COPG2: variants seen among roughly 807,000 people sequenced by gnomAD.
The protein encoded by COPG2 is coat protein complex I subunit gamma 2, also known as coatomer subunit gamma-2.
COPG2 carries 37 observed loss-of-function variants against 46.3 expected under a neutral mutation model. The observed-to-expected ratio is 0.80, with a 90% CI of 0.61 to 1.05. COPG2 has a LOEUF of 1.05. COPG2 is among the 50% of genes least tolerant of loss of function. The pLI is 0.00. For missense variants in COPG2, 427 were observed against 387.8 expected (o/e 1.10, Z -0.85); for synonymous variants, 159 against 129.7 (o/e 1.23, Z -1.53).
chr7:130,591,029 C>T (rs1162573506), intron 9 of COPG2, among the ~76,000 whole-genome samples: 14 of 151,748 alleles, frequency 9.2e-5, no homozygotes, highest in African/African-American at 3.4e-4. Context: ...GCAGCCACCC[C>T]CTCCAGGAGG....
intron 20 of COPG2, among the ~76,000 whole-genome samples, chr7:130,533,030 G>C: frequency 6.6e-6 from 1 of 152,110 alleles, no homozygotes; most frequent in East Asian, 1.9e-4. Context: ...TTGGAGAGCA[G>C]AGGGTGAGTT....
At chr7:130,521,710 G>T (rs1336346299) in intron 20 of COPG2, among the ~76,000 whole-genome samples, 1 of 152,162 alleles carries the variant, frequency 6.6e-6, no homozygotes, top group Non-Finnish European at 1.5e-5. Context: ...CATGGATTTG[G>T]CAACATTTCA....
At chr7:130,508,940 T>A in intron 20 of COPG2, 4 of 501,220 alleles carry the variant, frequency 8.0e-6, no homozygotes, top group Non-Finnish European at 7.4e-6. Context: ...AGCAGAGAGG[T>A]ACTTTTGGGG....
rs1365459998 is a variant in COPG2 at position 130,542,197 on chromosome 7, C to T, written c.2149+5477G>A. Among the ~76,000 whole-genome samples, 4 of 136,664 alleles carry T rather than the reference C, an allele frequency of 2.9e-5. No individual in the cohort carries two copies. In the South Asian group the frequency reaches 9.3e-4, roughly 32 times the overall value. The allele number at this position is 136,664 out of a possible 152,430, so 89.7% of individuals were successfully genotyped here. A position where few individuals can be genotyped will look rare whatever the true frequency, so the allele number is the denominator to read the frequency against. ...ACGTAGAGAATCCTCCTTTTTGCCCCAAAGGGGTGAAGTGTTTGATGCAGG... is the reference window on the plus strand; with the variant it reads ...ACGTAGAGAATCCTCCTTTTTGCCCTAAAGGGGTGAAGTGTTTGATGCAGG... On this transcript the variant is annotated intron_variant, in intron 20 of 23. Transcript: ENST00000425248.
chr7:130,603,161 C>A (rs1212384168), intron 9 of COPG2, among the ~76,000 whole-genome samples: 2 of 152,106 alleles, frequency 1.3e-5, no homozygotes, highest in African/African-American at 4.8e-5. Context: ...TGAATTACTA[C>A]AAAATTAATG....
chr7:130,552,514 T>C (rs972038760), intron 14 of COPG2, 84 bp from the exon 15 acceptor site: 1 of 396,774 alleles, frequency 2.5e-6, no homozygotes, highest in African/African-American at 2.1e-5. Context: ...ATTAGAAAAG[T>C]GTCCCCATGT....
intron 5 of COPG2, among the ~76,000 whole-genome samples, chr7:130,634,895 GT>G (rs1163670361): frequency 6.6e-6 from 1 of 151,752 alleles, no homozygotes; most frequent in East Asian, 1.9e-4. Context: ...TCAACACCTA[GT>G]TTTTTGAGAA....
intron 5 of COPG2, chr7:130,645,417 A>G (rs1554458002): frequency 2.1e-6 from 1 of 471,878 alleles, no homozygotes; most frequent in African/African-American, 2.0e-5. Context: ...GTCGGTGTCC[A>G]TGGGGTGGAG....
intron 9 of COPG2, among the ~76,000 whole-genome samples, chr7:130,590,268 C>A (rs1392006477): frequency 6.6e-6 from 1 of 151,714 alleles, no homozygotes; most frequent in African/African-American, 2.4e-5. Context: ...CCACGGTCTC[C>A]CTCTCCCTCT....
intron 9 of COPG2, among the ~76,000 whole-genome samples, chr7:130,597,819 T>C (rs1794558762): frequency 6.6e-6 from 1 of 152,178 alleles, no homozygotes; most frequent in African/African-American, 2.4e-5. Flanking sequence ...TCTAAGGACA[T>C]ACTTTATTAG....
At chr7:130,534,066 TG>T (rs1731357886) in intron 20 of COPG2, among the ~76,000 whole-genome samples, 1 of 151,316 alleles carries the variant, frequency 6.6e-6, no homozygotes, top group South Asian at 2.1e-4. Context: ...ATTCCCAAAA[TG>T]GGGGTGCGCC....
intron 9 of COPG2, among the ~76,000 whole-genome samples, chr7:130,574,861 A>C (rs1463381452): frequency 3.3e-5 from 5 of 152,164 alleles, no homozygotes; most frequent in African/African-American, 1.2e-4. Context: ...GAAAAAAAAC[A>C]ATCAAAAATT....
chr7:130,639,243 C>A (rs1754750734), intron 5 of COPG2, among the ~76,000 whole-genome samples: 1 of 152,172 alleles, frequency 6.6e-6, no homozygotes, highest in South Asian at 2.1e-4. Context: ...TATAGTCTGT[C>A]ATTTCTAGAA....
chr7:130,584,795 G>C (rs549413221), intron 9 of COPG2, among the ~76,000 whole-genome samples: 65 of 152,048 alleles, frequency 4.3e-4, no homozygotes, highest in African/African-American at 1.3e-3. Context: ...AAACACTGCT[G>C]AAAGAAATCA....
chr7:130,666,761 T>A, intron 3 of COPG2, 88 bp downstream of exon 3: 1 of 668,348 alleles, frequency 1.5e-6, no homozygotes, highest in East Asian at 2.9e-5. Flanking sequence ...TTAAAATAAA[T>A]AAATATACTT....
chr7:130,662,462 A>G (rs1795997257), intron 4 of COPG2, among the ~76,000 whole-genome samples: 1 of 152,260 alleles, frequency 6.6e-6, no homozygotes, highest in Non-Finnish European at 1.5e-5. Flanking sequence ...AACACTTAGA[A>G]GACAGACAAA....
At chr7:130,631,172 CTTTTTTTT>C in intron 5 of COPG2, among the ~76,000 whole-genome samples, 1 of 102,318 alleles carries the variant, frequency 9.8e-6, no homozygotes, top group Non-Finnish European at 2.1e-5. Flanking sequence ...TTTTTCTTTT[CTTTTTTTT>C]TTTTTTTTTG....
intron 4 of COPG2, among the ~76,000 whole-genome samples, chr7:130,657,839 C>T (rs1795887298): frequency 6.7e-6 from 1 of 149,834 alleles, no homozygotes; most frequent in East Asian, 2.1e-4. Flanking sequence ...AAAGGGATAC[C>T]ATTATACACC....
chr7:130,577,539 A>C (rs1244719197), intron 9 of COPG2, among the ~76,000 whole-genome samples: 11 of 151,958 alleles, frequency 7.2e-5, no homozygotes, highest in Non-Finnish European at 1.0e-4. Flanking sequence ...AGGCGGGTGG[A>C]TCATGAGGTC....
Sources: allele counts gnomAD v4.1 joint callset (sites outside exome capture counted in the v4.1 genomes callset), GRCh38; gene constraint gnomAD v4.1.1; transcripts MANE v1.5; gene names NCBI Gene and HGNC (gene_info 2026-07-23, HGNC 2026-07-21).